Variants in IFT25 observed in about 807,000 individuals in gnomAD.
IFT25 encodes intraflagellar transport protein 25 homolog.
the IFT25 span, chr1:53,923,684 T>C: frequency 2.5e-6 from 1 of 402,140 alleles, no homozygotes; most frequent in African/African-American, 2.1e-5. Context: ...AATAAATGAA[T>C]TGTTTTATCT....
the IFT25 span, chr1:53,930,008 A>G: frequency 6.5e-7 from 1 of 1,535,890 alleles, no homozygotes; most frequent in Non-Finnish European, 8.7e-7. Flanking sequence ...ACCAAAAAAA[A>G]AAAAAAAAAA....
chr1:53,928,455 A>C, the IFT25 span: 6 of 1,569,434 alleles, frequency 3.8e-6, no homozygotes, highest in Non-Finnish European at 5.3e-6. Flanking sequence ...CATTGTAAAC[A>C]AAGTAAGTAA....
chr1:53,915,239 C>T, the IFT25 span, among the ~76,000 whole-genome samples: 2,175 of 152,250 alleles, frequency 0.014, 19 homozygotes, highest in Non-Finnish European at 0.021. Context: ...AAAAAAACCC[C>T]CTGCCTTGGG....
At chr1:53,941,674 T>C in the IFT25 span, among the ~76,000 whole-genome samples, 1 of 152,226 alleles carries the variant, frequency 6.6e-6, no homozygotes, top group Non-Finnish European at 1.5e-5. Flanking sequence ...TACAGATTGA[T>C]AAACTTGAAT....
At chr1:53,921,810 A>C in the IFT25 span, 1 of 1,202,160 alleles carries the variant, frequency 8.3e-7, no homozygotes, top group Non-Finnish European at 1.2e-6. Flanking sequence ...TAGCAGTGCT[A>C]GTTAACTGTT....
At chr1:53,939,836 C>A in the IFT25 span, 1 of 605,870 alleles carries the variant, frequency 1.7e-6, no homozygotes, top group Non-Finnish European at 2.9e-6. Context: ...CAATTAGTTT[C>A]AGAAATGGTA....
the IFT25 span, among the ~76,000 whole-genome samples, chr1:53,941,063 T>C: frequency 6.6e-6 from 1 of 152,124 alleles, no homozygotes; most frequent in Non-Finnish European, 1.5e-5. Context: ...GGGGCGATCT[T>C]GGCTCACTGC....
At chr1:53,935,498 T>G in the IFT25 span, among the ~76,000 whole-genome samples, 1 of 150,858 alleles carries the variant, frequency 6.6e-6, no homozygotes, top group Non-Finnish European at 1.5e-5. Context: ...AAATTGATTG[T>G]GGAGATGGCT....
chr1:53,924,738 G>A, the IFT25 span, among the ~76,000 whole-genome samples: 1 of 152,186 alleles, frequency 6.6e-6, no homozygotes, highest in Non-Finnish European at 1.5e-5. Context: ...TCGGGAGGCT[G>A]AGGTAGGAGA....
the IFT25 span, chr1:53,929,749 G>GCAATTT: frequency 7.6e-6 from 2 of 262,792 alleles, no homozygotes; most frequent in African/African-American, 4.5e-5. Context: ...TTTTGCCAAA[G>GCAATTT]ACTTTTACAT....
chr1:53,912,369 G>C, the IFT25 span, among the ~76,000 whole-genome samples: 1 of 152,216 alleles, frequency 6.6e-6, no homozygotes, highest in Admixed American at 6.5e-5. Context: ...TCTGGGTGCA[G>C]AGTTATGCAA....
At chr1:53,929,844 A>T in the IFT25 span, 2 of 861,630 alleles carry the variant, frequency 2.3e-6, no homozygotes, top group South Asian at 3.2e-5. Flanking sequence ...CAAGGCATTT[A>T]CCTCATAATC....
the IFT25 span, among the ~76,000 whole-genome samples, chr1:53,921,038 C>A: frequency 9.2e-5 from 14 of 152,058 alleles, no homozygotes; most frequent in Middle Eastern, 3.4e-3. Flanking sequence ...CCAGGCATGG[C>A]GTTATGCACC....
At chr1:53,913,731 T>C in the IFT25 span, among the ~76,000 whole-genome samples, 1 of 152,134 alleles carries the variant, frequency 6.6e-6, no homozygotes, top group African/African-American at 2.4e-5. Context: ...AGGGCCTATA[T>C]AGAGGTAATG....
chr1:53,939,132 C>T, the IFT25 span, among the ~76,000 whole-genome samples: 3 of 151,166 alleles, frequency 2.0e-5, no homozygotes, highest in Non-Finnish European at 4.4e-5. Context: ...TAGCTTACGC[C>T]TGTAATCCCA....
chr1:53,936,777 CT>C, the IFT25 span, among the ~76,000 whole-genome samples: 626 of 147,286 alleles, frequency 4.3e-3, 5 homozygotes, highest in African/African-American at 0.015. Flanking sequence ...TTTTACTTTG[CT>C]TTTTTTTTTC....
the IFT25 span, among the ~76,000 whole-genome samples, chr1:53,944,129 T>C: frequency 6.6e-6 from 1 of 152,218 alleles, no homozygotes; most frequent in South Asian, 2.1e-4. Flanking sequence ...TTGGGTAGAA[T>C]TACTTAAGTA....
chr1:53,928,433 G>A, the IFT25 span: 3 of 1,609,836 alleles, frequency 1.9e-6, no homozygotes, highest in Non-Finnish European at 1.7e-6. Flanking sequence ...CAATCTTCAA[G>A]GTCTGTACTA....
At chr1:53,939,387 T>C in the IFT25 span, among the ~76,000 whole-genome samples, 3 of 140,666 alleles carry the variant, frequency 2.1e-5, no homozygotes, top group Non-Finnish European at 4.6e-5. Flanking sequence ...TGAGACTCTG[T>C]CTCAAAAAAA....
Sources: gnomAD v4.1 joint callset for allele counts (sites outside exome capture counted in the v4.1 genomes callset) on GRCh38, gnomAD v4.1.1 for gene constraint, MANE v1.5 for transcripts, NCBI Gene and HGNC (gene_info 2026-07-23, HGNC 2026-07-21) for gene names.